ARID1B: variants seen among roughly 807,000 people sequenced by gnomAD.
ARID1B encodes the protein AT-rich interactive domain-containing protein 1B.
Under a neutral mutation model 212.3 loss-of-function variants are expected in ARID1B, and 30 were observed. The ratio of observed to expected loss-of-function variants is 0.14; its 90% CI spans 0.11 to 0.19. The LOEUF (loss-of-function observed/expected upper bound fraction) is 0.19. ARID1B is among the 10% of genes least tolerant of loss of function. The pLI, the probability that ARID1B is intolerant of heterozygous loss-of-function variation, is 1.00. For missense variants in ARID1B, 2,891 were observed against 3,204.0 expected (o/e 0.90, Z 2.36); for synonymous variants, 1,402 against 1,301.7 (o/e 1.08, Z -1.66).
At chr6:156,923,596 G>C (rs1051750032) in intron 3 of ARID1B, among the ~76,000 whole-genome samples, 3 of 152,122 alleles carry the variant, frequency 2.0e-5, no homozygotes, top group Non-Finnish European at 4.4e-5. Context: ...AAAGCACTTA[G>C]GAGAGTACCT....
intron 6 of ARID1B, among the ~76,000 whole-genome samples, chr6:157,129,858 G>A (rs1788415246): frequency 6.6e-6 from 1 of 152,148 alleles, no homozygotes; most frequent in South Asian, 2.1e-4. Flanking sequence ...GTGTCACAGA[G>A]GCCACAAAAA....
chr6:156,936,518 G>A (rs1792236507), intron 4 of ARID1B: 1 of 151,344 alleles, frequency 6.6e-6, no homozygotes, highest in Admixed American at 6.6e-5. Context: ...TAATTTAAAG[G>A]AAGTCTTCTT....
chr6:157,180,381 CA>C (rs111639660), intron 11 of ARID1B, among the ~76,000 whole-genome samples: 4 of 146,018 alleles, frequency 2.7e-5, no homozygotes, highest in Non-Finnish European at 6.1e-5. Flanking sequence ...AAAAAAAAAA[CA>C]AAAAAAAACA....
At position 156,986,134 on chromosome 6, in the gene ARID1B, T is replaced by C. The variant is rs377422512; in HGVS notation, c.2247+50558T>C. 4.4e-4 allele frequency among the ~76,000 whole-genome samples: 67 copies of C among 152,274 alleles called. No individual in the cohort carries two copies. In the South Asian group the frequency reaches 0.012, roughly 28 times the overall value. On this transcript the variant is annotated intron_variant, in intron 4 of 19. Transcript: ENST00000636930. ...CTAGGGAGGATCTCTAGCTCTTCCT[T>C]TTGGAGTTACCTAATTTTCATTTTT...
At chr6:156,967,925 T>C (rs982795742) in intron 4 of ARID1B, among the ~76,000 whole-genome samples, 1 of 152,256 alleles carries the variant, frequency 6.6e-6, no homozygotes, top group African/African-American at 2.4e-5. Context: ...TGAATTTTTG[T>C]CATTGATATA....
intron 8 of ARID1B, among the ~76,000 whole-genome samples, chr6:157,162,094 A>G (rs765247267): frequency 2.6e-5 from 4 of 152,248 alleles, no homozygotes; most frequent in Non-Finnish European, 4.4e-5. Flanking sequence ...ACTGTATCAG[A>G]AACCCATTCA....
At chr6:157,087,667 T>C (rs1439960828) in intron 5 of ARID1B, among the ~76,000 whole-genome samples, 1 of 152,218 alleles carries the variant, frequency 6.6e-6, no homozygotes, top group Non-Finnish European at 1.5e-5. Flanking sequence ...CAGTGGTGTT[T>C]TTGTGCAATT....
chr6:156,778,922 A>AGGAGGAGCAGGAGCG lies in ARID1B; in HGVS notation c.1247_1261dup (p.Gly416_Gly420dup). On this transcript the variant is annotated inframe_insertion, in exon 1 of 20. Transcript: ENST00000636930. ...GAGGAGGAGGAGGAGGAGCAGGAGC[A>AGGAGGAGCAGGAGCG]GGAGGAGCAGGAGCGGGAGCTGTGG... 1.5e-6 allele frequency: 2 copies of AGGAGGAGCAGGAGCG among 1,317,722 alleles called. No individual in the cohort carries two copies. Among genetic ancestry groups the AGGAGGAGCAGGAGCG allele is most frequent in the Admixed American group, 4.1e-5 (1 of 24,150 alleles). The allele number at this position is 1,317,722 out of a possible 1,614,324, so 81.6% of individuals were successfully genotyped here.
intron 4 of ARID1B, chr6:157,022,485 C>T (rs6902173): frequency 0.45 from 68,093 of 152,028 alleles, 16,032 homozygotes; most frequent in East Asian, 0.66. Context: ...GCCATGGAGA[C>T]TTTGGGATCA....
chr6:156,868,579 G>A (rs991737355), intron 2 of ARID1B, among the ~76,000 whole-genome samples: 1 of 152,164 alleles, frequency 6.6e-6, no homozygotes, highest in Non-Finnish European at 1.5e-5. Flanking sequence ...GTCCTCCTAT[G>A]GTGGAAGGGG....
chr6:156,905,250 G>GCGCGCA lies in ARID1B; in HGVS notation c.2136+3726_2136+3727insGCGCAC, dbSNP rs1554265935. On this transcript the variant is annotated intron_variant, in intron 3 of 19. Coordinates refer to ENST00000636930, the MANE Select transcript of ARID1B (RefSeq NM_001374828.1). ...GAATCAATTGTGCTCACATATGCAC[G>GCGCGCA]CACACACACACACACACACACACAC... is the stretch of plus-strand genomic sequence containing the variant. Among the ~76,000 whole-genome samples the GCGCGCA allele has an allele frequency of 4.5e-4, 65 of 143,836 alleles. 1 individual carries two copies. The highest frequency in any genetic ancestry group is 1.6e-3 in the African/African-American group (60 of 38,314). 94.4% of individuals were successfully genotyped at this position (143,836 alleles called of 152,430 possible). A position where few individuals can be genotyped will look rare whatever the true frequency, so the allele number is the denominator to read the frequency against.
chr6:157,010,278 G>GT (rs367851681), intron 4 of ARID1B, among the ~76,000 whole-genome samples: 1,861 of 101,786 alleles, frequency 0.018, 84 homozygotes, highest in African/African-American at 0.023. Context: ...TGCATTGCCT[G>GT]TTTTTTTTTT....
chr6:156,800,713 C>T (rs1051692141), intron 1 of ARID1B, among the ~76,000 whole-genome samples: 3 of 152,076 alleles, frequency 2.0e-5, no homozygotes, highest in Middle Eastern at 3.4e-3. Context: ...TTGAGACCAG[C>T]TTGGGCAACA....
intron 5 of ARID1B, among the ~76,000 whole-genome samples, chr6:157,106,121 G>A (rs1786460622): frequency 6.6e-6 from 1 of 152,094 alleles, no homozygotes; most frequent in African/African-American, 2.4e-5. Context: ...ACTGGAAACT[G>A]TCTAAATGCC....
chr6:156,776,405 T>A, upstream of ARID1B: 1 of 152,324 alleles, frequency 6.6e-6, no homozygotes, highest in East Asian at 1.9e-4. Flanking sequence ...ATTTATTAAA[T>A]ATAATGTCTA....
intron 2 of ARID1B, among the ~76,000 whole-genome samples, chr6:156,833,132 A>G (rs1227210514): frequency 1.3e-5 from 2 of 152,166 alleles, no homozygotes; most frequent in Non-Finnish European, 2.9e-5. Flanking sequence ...TAACAGAAGT[A>G]CATTGGTTGA....
In ARID1B at chr6:157,156,503, A is replaced by G. The variant is rs373182371; in HGVS notation, c.3089+7552A>G. On this transcript the variant is annotated intron_variant, in intron 8 of 19. Transcript: ENST00000636930. ...ATAAAGTGCATTTATAAATCATCAA[A>G]TCAAAAAGTAGTAAAACACTAATTC... Among the ~76,000 whole-genome samples the G allele has an allele frequency of 9.2e-5, 14 of 152,380 alleles. No homozygotes were observed. In the East Asian group the frequency reaches 1.2e-3, roughly 13 times the overall value.
intron 2 of ARID1B, among the ~76,000 whole-genome samples, chr6:156,892,979 A>G (rs886824780): frequency 6.6e-5 from 10 of 151,942 alleles, no homozygotes; most frequent in African/African-American, 1.9e-4. Flanking sequence ...CTCATAATCT[A>G]TCATAGACCT....
chr6:156,909,822 C>G (rs1789721796), intron 3 of ARID1B, among the ~76,000 whole-genome samples: 1 of 152,206 alleles, frequency 6.6e-6, no homozygotes, highest in Non-Finnish European at 1.5e-5. Flanking sequence ...ACATCTTAGG[C>G]CTGCCCTTGT....
Sources: allele counts gnomAD v4.1 joint callset (sites outside exome capture counted in the v4.1 genomes callset), GRCh38; gene constraint gnomAD v4.1.1; transcripts MANE v1.5; gene names NCBI Gene and HGNC (gene_info 2026-07-23, HGNC 2026-07-21).